The following KCNQ5 variants were observed in gnomAD, a reference collection of about 807,000 sequenced individuals.
KCNQ5 encodes the protein potassium voltage-gated channel subfamily KQT member 5.
In KCNQ5, 30 loss-of-function variants were observed where a neutral mutation model predicts 98.2. That is an observed-to-expected ratio of 0.31 (90% confidence interval 0.23 to 0.41). KCNQ5 has a LOEUF of 0.41. KCNQ5 is among the 10% of genes least tolerant of loss of function. KCNQ5 has a pLI of 1.00. For missense variants in KCNQ5, 835 were observed against 1,182.5 expected (o/e 0.71, Z 4.31); for synonymous variants, 458 against 449.4 (o/e 1.02, Z -0.24).
chr6:72,750,454 A>G (rs1771618472), intron 1 of KCNQ5, among the ~76,000 whole-genome samples: 1 of 152,076 alleles, frequency 6.6e-6, no homozygotes, highest in South Asian at 2.1e-4. Context: ...TTATCAAGGT[A>G]CTTTTGGATT....
intron 2 of KCNQ5, among the ~76,000 whole-genome samples, chr6:73,035,426 C>G (rs1394469361): frequency 6.6e-6 from 1 of 152,210 alleles, no homozygotes; most frequent in Non-Finnish European, 1.5e-5. Flanking sequence ...ATATTATTCA[C>G]TAATCTCTTT....
intron 1 of KCNQ5, among the ~76,000 whole-genome samples, chr6:72,962,873 C>T (rs565627161): frequency 3.9e-5 from 6 of 152,146 alleles, no homozygotes; most frequent in Non-Finnish European, 7.4e-5. Flanking sequence ...ACAATCAACA[C>T]CTATCTTTCA....
At chr6:72,725,186 A>G (rs150547258) in intron 1 of KCNQ5, among the ~76,000 whole-genome samples, 2 of 152,324 alleles carry the variant, frequency 1.3e-5, no homozygotes, top group African/African-American at 2.4e-5. Flanking sequence ...TTTTTAATGC[A>G]GTATGAAATT....
At chr6:72,707,288 G>A (rs112648468) in intron 1 of KCNQ5, among the ~76,000 whole-genome samples, 24 of 152,244 alleles carry the variant, frequency 1.6e-4, no homozygotes, top group African/African-American at 5.3e-4. Flanking sequence ...AAGGCAGAAA[G>A]CCCAAATTAA....
chr6:73,110,028 G>T (rs965030875), intron 6 of KCNQ5, among the ~76,000 whole-genome samples: 2 of 152,050 alleles, frequency 1.3e-5, no homozygotes, highest in Admixed American at 6.6e-5. Flanking sequence ...ATTCAGTTGA[G>T]ACTTAACACC....
intron 1 of KCNQ5, among the ~76,000 whole-genome samples, chr6:72,652,872 C>G (rs1305419119): frequency 6.6e-6 from 1 of 152,016 alleles, no homozygotes; most frequent in Non-Finnish European, 1.5e-5. Context: ...GTTTTCCCAT[C>G]TAGAAAATGA....
At chr6:72,868,886 C>G (rs1280237851) in intron 1 of KCNQ5, among the ~76,000 whole-genome samples, 1 of 151,936 alleles carries the variant, frequency 6.6e-6, no homozygotes, top group East Asian at 1.9e-4. Flanking sequence ...TTAATGGGTA[C>G]AAAAATATAG....
At chr6:73,148,542 G>A (rs1333335316) in intron 10 of KCNQ5, among the ~76,000 whole-genome samples, 2 of 152,176 alleles carry the variant, frequency 1.3e-5, no homozygotes, top group Admixed American at 6.5e-5. Flanking sequence ...AACATGGGTC[G>A]ATAATTATTT....
intron 1 of KCNQ5, among the ~76,000 whole-genome samples, chr6:72,931,779 C>T (rs1464950507): frequency 1.3e-5 from 2 of 151,998 alleles, no homozygotes; most frequent in Non-Finnish European, 2.9e-5. Flanking sequence ...AGGTAATTGC[C>T]TCACACTTTG....
intron 2 of KCNQ5, among the ~76,000 whole-genome samples, chr6:73,034,902 G>A (rs954657140): frequency 7.1e-6 from 1 of 141,084 alleles, no homozygotes; most frequent in Non-Finnish European, 1.5e-5. Flanking sequence ...CTGGAGTGCA[G>A]TGGCATGATC....
At chr6:72,951,817 T>C (rs1029492778) in intron 1 of KCNQ5, among the ~76,000 whole-genome samples, 38 of 152,346 alleles carry the variant, frequency 2.5e-4, no homozygotes, top group African/African-American at 6.0e-4. Context: ...TAACTCTTAG[T>C]ACATGGCAAA....
intron 1 of KCNQ5, among the ~76,000 whole-genome samples, chr6:72,809,401 A>T (rs531527016): frequency 1.3e-5 from 2 of 152,274 alleles, no homozygotes; most frequent in Non-Finnish European, 2.9e-5. Flanking sequence ...ATAATAAAAA[A>T]AATAGCCAGG....
intron 1 of KCNQ5, among the ~76,000 whole-genome samples, chr6:72,729,544 C>CGTAA (rs1770455785): frequency 6.6e-6 from 1 of 152,210 alleles, no homozygotes; most frequent in Non-Finnish European, 1.5e-5. Context: ...GCTGGGATTA[C>CGTAA]AGGCGTGAGC....
chr6:73,021,197 T>C (rs1392167919), intron 2 of KCNQ5, among the ~76,000 whole-genome samples: 2 of 152,198 alleles, frequency 1.3e-5, no homozygotes, highest in Non-Finnish European at 2.9e-5. Flanking sequence ...TCTGTAGCAG[T>C]GGATGGTCTA....
chr6:73,143,446 A>C (rs1406195722), intron 10 of KCNQ5: 2 of 152,152 alleles, frequency 1.3e-5, no homozygotes, highest in Admixed American at 1.3e-4. Context: ...CGTCTCTTTG[A>C]TACCGAGAAA....
intron 1 of KCNQ5, among the ~76,000 whole-genome samples, chr6:72,743,725 A>T (rs1316941883): frequency 1.3e-5 from 2 of 152,240 alleles, no homozygotes; most frequent in Admixed American, 1.3e-4. Flanking sequence ...GTCTGCTGAC[A>T]CTGAGTCTCA....
intron 1 of KCNQ5, among the ~76,000 whole-genome samples, chr6:72,716,676 T>C (rs111815762): frequency 0.013 from 2,038 of 152,280 alleles, 34 homozygotes; most frequent in African/African-American, 0.042. Flanking sequence ...TTACTATCTA[T>C]TAAGTGGATG....
intron 5 of KCNQ5, among the ~76,000 whole-genome samples, chr6:73,095,089 C>T (rs1774427173): frequency 6.6e-6 from 1 of 152,054 alleles, no homozygotes; most frequent in Non-Finnish European, 1.5e-5. Context: ...TAACATAATC[C>T]CAGACTTCTT....
At chr6:73,024,636 A>C (rs371077959) in intron 2 of KCNQ5, among the ~76,000 whole-genome samples, 9 of 152,216 alleles carry the variant, frequency 5.9e-5, no homozygotes, top group African/African-American at 2.2e-4. Flanking sequence ...ATTCAGTTTT[A>C]TGTTTCTTTC....
Sources: allele counts gnomAD v4.1 joint callset (sites outside exome capture counted in the v4.1 genomes callset), GRCh38; gene constraint gnomAD v4.1.1; transcripts MANE v1.5; gene names NCBI Gene and HGNC (gene_info 2026-07-23, HGNC 2026-07-21).